Variants in SGCB observed in about 807,000 individuals in gnomAD.
SGCB encodes sarcoglycan beta, also known as beta-sarcoglycan.
In SGCB, 25 loss-of-function variants were observed where a neutral mutation model predicts 27.3. That is an observed-to-expected ratio of 0.92 (90% CI 0.67 to 1.28). The LOEUF is 1.28. SGCB is among the 50% of genes most tolerant of loss of function. SGCB has a pLI of 0.00. For missense variants in SGCB, 436 were observed against 402.1 expected (o/e 1.08, Z -0.72); for synonymous variants, 147 against 133.5 (o/e 1.10, Z -0.70).
At chr4:52,024,556 CG>C in intron 5 of SGCB, among the ~76,000 whole-genome samples, 1 of 152,080 alleles carries the variant, frequency 6.6e-6, no homozygotes, top group East Asian at 1.9e-4. Context: ...TGGCCAAGCG[CG>C]GTGGCTCATG....
Position 52,024,032 on chromosome 4 carries a change from C to T in SGCB, c.882G>A (p.Thr294=), listed in dbSNP as rs572922347. The change falls in exon 6 of 6, where the codon ACG becomes ACA. Residue 294 remains threonine (T), a synonymous_variant. Coordinates refer to ENST00000381431, the MANE Select transcript of SGCB (RefSeq NM_000232.5). ...RYKLCMCADG[T]LFKVQVTSQN... Reference sequence around the variant, plus strand: ...GGCTGGTTACTTGCACCTTGAAGAGCGTCCCATCAGCACACATGCAGAGCT... The same window carrying T: ...GGCTGGTTACTTGCACCTTGAAGAGTGTCCCATCAGCACACATGCAGAGCT... 26 of 1,614,136 alleles carry T rather than the reference C, an allele frequency of 1.6e-5. No individual in the cohort carries two copies. Among genetic ancestry groups the T allele is most frequent in the African/African-American group, 4.0e-5 (3 of 75,038 alleles).
intron 2 of SGCB, among the ~76,000 whole-genome samples, chr4:52,030,560 C>G (rs902449807): frequency 4.6e-5 from 7 of 152,132 alleles, no homozygotes; most frequent in African/African-American, 1.4e-4. Flanking sequence ...TGTAAAATCT[C>G]TCAATACAAT....
intron 2 of SGCB, among the ~76,000 whole-genome samples, chr4:52,030,444 T>C (rs887711347): frequency 1.3e-5 from 2 of 152,186 alleles, no homozygotes; most frequent in African/African-American, 2.4e-5. Context: ...ACCAAATATG[T>C]CCTATAATGG....
At chr4:52,032,440 G>A (rs767706559) in intron 2 of SGCB, among the ~76,000 whole-genome samples, 3 of 152,044 alleles carry the variant, frequency 2.0e-5, no homozygotes, top group South Asian at 2.1e-4. Context: ...TTTCTGTTTC[G>A]TGACATTGTT....
chr4:52,035,684 G>C (rs1407915333), intron 1 of SGCB, among the ~76,000 whole-genome samples: 1 of 152,116 alleles, frequency 6.6e-6, no homozygotes, highest in African/African-American at 2.4e-5. Flanking sequence ...GGAGGATTGA[G>C]GTTAAGAGGA....
intron 2 of SGCB, chr4:52,031,736 C>G (rs1268699460): frequency 3.8e-6 from 1 of 261,892 alleles, no homozygotes; most frequent in African/African-American, 2.2e-5. Context: ...ATTCTTGGCA[C>G]TTTCCTCAAA....
intron 1 of SGCB, among the ~76,000 whole-genome samples, chr4:52,036,526 G>A (rs1737397010): frequency 6.6e-6 from 1 of 152,182 alleles, no homozygotes; most frequent in South Asian, 2.1e-4. Flanking sequence ...TCCAAAAAGA[G>A]ATGAACTGGA....
chr4:52,034,450 A>C (rs1737333652), intron 1 of SGCB, among the ~76,000 whole-genome samples: 1 of 149,986 alleles, frequency 6.7e-6, no homozygotes, highest in Non-Finnish European at 1.5e-5. Flanking sequence ...ACAGTATAAC[A>C]ACTGTTTACA....
rs940340919 is a variant in SGCB at position 52,023,723 on chromosome 4, C to T, written c.*234G>A. On this transcript the variant is annotated 3_prime_UTR_variant, in exon 6 of 6. Transcript: ENST00000381431. ...TAAACATGACTTTTGATTTTATTTGCTTCTCATAATTATTTTAGAGAACAG... is the reference window on the plus strand; with the variant it reads ...TAAACATGACTTTTGATTTTATTTGTTTCTCATAATTATTTTAGAGAACAG... 2.1e-6 allele frequency: 1 copy of T among 484,206 alleles called. No homozygotes were observed. Among genetic ancestry groups the T allele is most frequent in the Non-Finnish European group, 3.7e-6 (1 of 270,704 alleles). The allele number at this position is 484,206 out of a possible 1,614,324, so 30.0% of individuals were successfully genotyped here. A position where few individuals can be genotyped will look rare whatever the true frequency, so the allele number is the denominator to read the frequency against.
chr4:52,030,958 T>C (rs1737229800), intron 2 of SGCB, among the ~76,000 whole-genome samples: 1 of 152,260 alleles, frequency 6.6e-6, no homozygotes, highest in African/African-American at 2.4e-5. Flanking sequence ...TTCTGAATTT[T>C]GAAAGCCATT....
intron 5 of SGCB, among the ~76,000 whole-genome samples, chr4:52,026,153 G>A (rs1268147937): frequency 2.6e-5 from 4 of 151,740 alleles, no homozygotes; most frequent in Non-Finnish European, 4.4e-5. Context: ...ATATGGAATA[G>A]ACAGTAATTC....
At chr4:52,036,115 A>AT (rs2109378705) in intron 1 of SGCB, among the ~76,000 whole-genome samples, 1 of 152,366 alleles carries the variant, frequency 6.6e-6, no homozygotes, top group South Asian at 2.1e-4. Flanking sequence ...AATGCATACA[A>AT]TACAGAAAGG....
rs200167048 is a variant in SGCB at position 52,028,793 on chromosome 4, A to C, written c.558T>G (p.Thr186=). Residue 186 remains threonine, a synonymous_variant, in exon 4 of 6, where the codon ACT becomes ACG. Transcript: ENST00000381431. ...QNILFSTDYE[T]HEFHLPSGVK... ...CTCCACTTGGCAAATGAAACTCATG[A>C]GTTTCATAGTCTGTGCTGAATAAGA... 5.6e-6 allele frequency: 9 copies of C among 1,613,804 alleles called. No homozygotes were observed. The African/African-American group carries it at 9.3e-5, about 17-fold the overall frequency.
At chr4:52,024,699 G>A (rs1349189206) in intron 5 of SGCB, among the ~76,000 whole-genome samples, 1 of 151,906 alleles carries the variant, frequency 6.6e-6, no homozygotes, top group Non-Finnish European at 1.5e-5. Context: ...GTGGTGGTGG[G>A]CACCTGTAGT....
chr4:52,030,096 AAT>A (rs1737210836), intron 2 of SGCB, among the ~76,000 whole-genome samples: 1 of 152,162 alleles, frequency 6.6e-6, no homozygotes. Flanking sequence ...ATTTAAAATG[AAT>A]AGTTTCTTAT....
chr4:52,037,807 G>T (rs1451186535), intron 1 of SGCB, among the ~76,000 whole-genome samples: 4 of 152,188 alleles, frequency 2.6e-5, no homozygotes, highest in African/African-American at 9.7e-5. Context: ...AGCTGACACC[G>T]GGGCAACAGC....
chr4:52,029,016 A>C (rs564294089), intron 3 of SGCB, 95 bp from the exon 4 acceptor site: 3 of 922,538 alleles, frequency 3.3e-6, no homozygotes, highest in Non-Finnish European at 5.0e-6. Flanking sequence ...AAAATTACAG[A>C]AATTTAAAAA....
intron 1 of SGCB, among the ~76,000 whole-genome samples, chr4:52,037,273 T>C (rs1342322137): frequency 6.6e-6 from 1 of 152,210 alleles, no homozygotes; most frequent in Non-Finnish European, 1.5e-5. Context: ...CTGTATGACT[T>C]TAAGCTCCTT....
intron 1 of SGCB, among the ~76,000 whole-genome samples, chr4:52,037,936 G>A (rs1267684052): frequency 6.6e-6 from 1 of 152,160 alleles, no homozygotes; most frequent in Non-Finnish European, 1.5e-5. Context: ...CTTCCAGGCT[G>A]GCTCGACCGC....
Sources: gnomAD v4.1 joint callset for allele counts (sites outside exome capture counted in the v4.1 genomes callset) on GRCh38, gnomAD v4.1.1 for gene constraint, MANE v1.5 for transcripts, NCBI Gene and HGNC (gene_info 2026-07-23, HGNC 2026-07-21) for gene names.